The following BTBD7 variants were observed in gnomAD, a reference collection of about 807,000 sequenced individuals.
BTBD7 encodes BTB/POZ domain-containing protein 7.
BTBD7 carries 38 observed loss-of-function variants against 99.9 expected under a neutral mutation model. That is an observed-to-expected ratio of 0.38 (90% CI 0.29 to 0.50). The LOEUF is 0.50. BTBD7 is among the 20% of genes least tolerant of loss of function. The pLI is 0.93. For synonymous variants in BTBD7, 520 were observed against 511.4 expected (o/e 1.02, Z -0.23); for missense variants, 1,170 against 1,394.6 (o/e 0.84, Z 2.57).
intron 3 of BTBD7, among the ~76,000 whole-genome samples, chr14:93,281,183 G>A (rs938376953): frequency 1.2e-5 from 1 of 81,492 alleles, no homozygotes. Context: ...TTTTTTTTTT[G>A]TAGAGATGGA....
intron 1 of BTBD7, among the ~76,000 whole-genome samples, chr14:93,328,811 G>A (rs934108679): frequency 5.9e-5 from 9 of 151,940 alleles, no homozygotes; most frequent in African/African-American, 1.5e-4. Flanking sequence ...CCAGCTGTTC[G>A]GGAGGCTGAG....
chr14:93,332,676 G>A, intron 1 of BTBD7, 144 bp downstream of exon 1: 3 of 1,202,028 alleles, frequency 2.5e-6, no homozygotes, highest in Middle Eastern at 2.7e-4. Context: ...CTCCCCGCCC[G>A]GCGCCCCAGC....
chr14:93,258,324 T>C (rs1379198001), intron 5 of BTBD7, among the ~76,000 whole-genome samples: 1 of 152,114 alleles, frequency 6.6e-6, no homozygotes, highest in African/African-American at 2.4e-5. Context: ...GTCATTTTTT[T>C]CCCCCTTGCC....
chr14:93,251,422 A>C (rs750301828), intron 8 of BTBD7, 41 bp downstream of exon 8: 1 of 1,504,588 alleles, frequency 6.6e-7, no homozygotes, highest in Non-Finnish European at 9.0e-7. Context: ...AAAAACAATA[A>C]ATTATTCATT....
At chr14:93,247,858 G>A (rs1014249406) in intron 9 of BTBD7, among the ~76,000 whole-genome samples, 9 of 152,012 alleles carry the variant, frequency 5.9e-5, no homozygotes, top group Non-Finnish European at 1.3e-4. Context: ...TTTTTTCCTG[G>A]TAGGTTAAAA....
intron 3 of BTBD7, among the ~76,000 whole-genome samples, chr14:93,276,116 T>A (rs1448064180): frequency 1.3e-5 from 2 of 152,156 alleles, no homozygotes; most frequent in Non-Finnish European, 2.9e-5. Flanking sequence ...CTTGGGAGGC[T>A]GAGGTGGGAG....
At chr14:93,296,712 G>A (rs866976687) in intron 1 of BTBD7, among the ~76,000 whole-genome samples, 6 of 152,026 alleles carry the variant, frequency 3.9e-5, no homozygotes, top group Non-Finnish European at 8.8e-5. Context: ...ATATATATAA[G>A]CTACTTGTTC....
rs2052221362 is a variant in BTBD7, at chr14:93,241,080, G to C, written c.*1193C>G. 1 of 151,920 alleles carries C rather than the reference G, an allele frequency of 6.6e-6. No homozygotes were observed. Among genetic ancestry groups the C allele is most frequent in the Admixed American group, 6.6e-5 (1 of 15,250 alleles). The allele number at this position is 151,920 out of a possible 1,614,324, so 9.4% of individuals were successfully genotyped here. The stretch of plus-strand genomic sequence containing the variant: ...GCAGTCAGTTCCGCCATCACAGCTG[G>C]AGAGTTGACGCTCAGAACCAGAAAT... On this transcript the variant is annotated 3_prime_UTR_variant, in exon 11 of 11. Transcript: ENST00000334746.
Position 93,281,199 on chromosome 14 carries a change from A to C in BTBD7, c.1162+12659T>G, listed in dbSNP as rs1436804290. Among the ~76,000 whole-genome samples the C allele has an allele frequency of 2.1e-5, 3 of 141,634 alleles. No homozygotes were observed. In the Admixed American group the frequency reaches 2.2e-4, roughly 10 times the overall value. The allele number at this position is 141,634 out of a possible 152,430, so 92.9% of individuals were successfully genotyped here. A position where few individuals can be genotyped will look rare whatever the true frequency, so the allele number is the denominator to read the frequency against. On this transcript the variant is annotated intron_variant, in intron 3 of 10. Coordinates refer to ENST00000334746, the MANE Select transcript of BTBD7 (RefSeq NM_001002860.4). ...TTTTTTTTTGTAGAGATGGAGTTTC[A>C]CCATGTTATCCATGCTGATCTCAAA... is the stretch of plus-strand genomic sequence containing the variant.
intron 1 of BTBD7, among the ~76,000 whole-genome samples, chr14:93,316,253 T>C (rs1433292244): frequency 1.6e-5 from 2 of 127,518 alleles, no homozygotes; most frequent in Non-Finnish European, 3.2e-5. Flanking sequence ...CCATGCCCAG[T>C]CTTTTTTTTT....
At chr14:93,302,083 G>C (rs1051748223) in intron 1 of BTBD7, among the ~76,000 whole-genome samples, 8 of 152,260 alleles carry the variant, frequency 5.3e-5, no homozygotes, top group Admixed American at 3.9e-4. Context: ...GTTAACTGGT[G>C]GTCTGTCTGG....
At position 93,324,421 on chromosome 14, in the gene BTBD7, C is replaced by CAAAAAAAAAATAAAA. The variant is rs71301935; in HGVS notation, c.-107+8398_-107+8399insTTTTATTTTTTTTTT. Among the ~76,000 whole-genome samples the CAAAAAAAAAATAAAA allele has an allele frequency of 3.2e-3, 284 of 89,926 alleles. 1 individual carries two copies. Among genetic ancestry groups the CAAAAAAAAAATAAAA allele is most frequent in the African/African-American group, 0.018 (268 of 15,198 alleles). The allele number at this position is 89,926 out of a possible 152,430, so 59.0% of individuals were successfully genotyped here. On this transcript the variant is annotated intron_variant, in intron 1 of 10. Transcript: ENST00000334746. ...TGGGTGACAGAGCGAGACCCTGTCT[C>CAAAAAAAAAATAAAA]AAAAAAAAAAAAAAGAGATTTTTGA...
Position 93,309,923 on chromosome 14 carries a change from A to G in BTBD7, c.-106-13766T>C, listed in dbSNP as rs137991282. Reference sequence around the variant, plus strand: ...TGGAGAAAATAGTTAATGGATCTCTACCCATTGCCAAGTTTCAACCAACAT... The same window carrying G: ...TGGAGAAAATAGTTAATGGATCTCTGCCCATTGCCAAGTTTCAACCAACAT... On this transcript the variant is annotated intron_variant, in intron 1 of 10. Transcript: ENST00000334746. Among the ~76,000 whole-genome samples, 149 of 152,146 alleles carry G rather than the reference A, an allele frequency of 9.8e-4. 2 individuals are homozygous for G. The Middle Eastern group carries it at 0.01, about 10-fold the overall frequency.
At chr14:93,330,743 G>A (rs1407866662) in intron 1 of BTBD7, among the ~76,000 whole-genome samples, 2 of 152,172 alleles carry the variant, frequency 1.3e-5, no homozygotes, top group African/African-American at 2.4e-5. Context: ...GTGAGCTTCC[G>A]TGACTAGAAT....
At chr14:93,297,896 A>AT (rs2052948401) in intron 1 of BTBD7, among the ~76,000 whole-genome samples, 1 of 152,186 alleles carries the variant, frequency 6.6e-6, no homozygotes, top group Admixed American at 6.5e-5. Flanking sequence ...CTTTACCAAA[A>AT]TGAGGGGGGA....
At chr14:93,301,509 A>G (rs533108947) in intron 1 of BTBD7, among the ~76,000 whole-genome samples, 4 of 151,136 alleles carry the variant, frequency 2.6e-5, no homozygotes, top group Non-Finnish European at 5.9e-5. Context: ...TTTTACATAT[A>G]TATATATATA....
At chr14:93,332,750 C>A (rs907789082) in intron 1 of BTBD7, 70 bp downstream of exon 1, 23 of 1,435,266 alleles carry the variant, frequency 1.6e-5, no homozygotes, top group Middle Eastern at 1.8e-4. Context: ...CCCTTCCTCT[C>A]CCGGACGCCC....
chr14:93,278,328 C>T (rs1311144006), intron 3 of BTBD7, among the ~76,000 whole-genome samples: 2 of 152,180 alleles, frequency 1.3e-5, no homozygotes, highest in African/African-American at 2.4e-5. Flanking sequence ...GTAGGAGAAT[C>T]GCTTGAGCCC....
chr14:93,301,518 T>TAC (rs58069654), intron 1 of BTBD7, among the ~76,000 whole-genome samples: 2,183 of 148,872 alleles, frequency 0.015, 66 homozygotes, highest in African/African-American at 0.051. Context: ...TATATATATA[T>TAC]ACACACACAC....
Sources: allele counts gnomAD v4.1 joint callset (sites outside exome capture counted in the v4.1 genomes callset), GRCh38; gene constraint gnomAD v4.1.1; transcripts MANE v1.5; gene names NCBI Gene and HGNC (gene_info 2026-07-23, HGNC 2026-07-21).